Variants in MCTP1 observed in about 807,000 individuals in gnomAD.
The protein encoded by MCTP1 is multiple C2 and transmembrane domain containing 1.
Under a neutral mutation model 120.6 loss-of-function variants are expected in MCTP1, and 69 were observed. That is an observed-to-expected ratio of 0.57 (90% confidence interval 0.47 to 0.70). The LOEUF (loss-of-function observed/expected upper bound fraction) is 0.70. Ranked by LOEUF, MCTP1 falls within the 30% of genes least tolerant of loss-of-function variation. MCTP1 has a pLI of 0.00. For synonymous variants in MCTP1, 529 were observed against 493.1 expected, an observed-to-expected ratio of 1.07 and a Z score of -0.96; for missense variants, 1,203 against 1,248.8, an observed-to-expected ratio of 0.96 and a Z score of 0.55.
intron 1 of MCTP1, among the ~76,000 whole-genome samples, chr5:95,174,597 A>G (rs940543392): frequency 1.2e-4 from 19 of 152,160 alleles, no homozygotes; most frequent in Admixed American, 1.0e-3. Context: ...CTGTTCCCCT[A>G]CTTACTAGGT....
At chr5:94,739,307 A>G (rs1764978454) in intron 19 of MCTP1, 1 of 152,242 alleles carries the variant, frequency 6.6e-6, no homozygotes, top group Non-Finnish European at 1.5e-5. Context: ...GGTTCGATCA[A>G]CAGGGCATAG....
intron 1 of MCTP1, among the ~76,000 whole-genome samples, chr5:95,282,304 T>C (rs886398388): frequency 6.6e-6 from 1 of 152,208 alleles, no homozygotes; most frequent in Non-Finnish European, 1.5e-5. Context: ...TTTAAAAATA[T>C]CTTGGTTCAG....
intron 1 of MCTP1, among the ~76,000 whole-genome samples, chr5:95,054,284 A>G (rs571624530): frequency 4.6e-5 from 7 of 152,354 alleles, no homozygotes; most frequent in African/African-American, 1.7e-4. Context: ...AATGCAATAC[A>G]TCGTATCTAT....
At chr5:95,018,317 C>T (rs964397983) in intron 1 of MCTP1, among the ~76,000 whole-genome samples, 10 of 151,840 alleles carry the variant, frequency 6.6e-5, no homozygotes, top group African/African-American at 2.4e-4. Context: ...AATTTAAATT[C>T]TTATAATTTT....
chr5:95,089,390 A>G (rs1755679123), intron 1 of MCTP1, among the ~76,000 whole-genome samples: 1 of 152,248 alleles, frequency 6.6e-6, no homozygotes, highest in Non-Finnish European at 1.5e-5. Flanking sequence ...ATCAAAATGC[A>G]CTGAACATAA....
chr5:95,254,265 G>C lies in MCTP1; in HGVS notation c.720+29591C>G, dbSNP rs186037484. On this transcript the variant is annotated intron_variant, in intron 1 of 22. Coordinates refer to ENST00000515393, the MANE Select transcript of MCTP1 (RefSeq NM_024717.7). ...AACATTTGTTACGGCTAACATTTGAGGGCTCCCTACGTACCAACCACTGGT... is the reference window on the plus strand; with the variant it reads ...AACATTTGTTACGGCTAACATTTGACGGCTCCCTACGTACCAACCACTGGT... Among the ~76,000 whole-genome samples the C allele has an allele frequency of 2.6e-3, 393 of 152,200 alleles. 1 individual carries two copies. The highest frequency in any genetic ancestry group is 4.1e-3 in the Non-Finnish European group (280 of 67,974).
intron 1 of MCTP1, among the ~76,000 whole-genome samples, chr5:95,117,853 GT>G (rs1044210903): frequency 6.6e-6 from 1 of 152,130 alleles, no homozygotes; most frequent in Non-Finnish European, 1.5e-5. Flanking sequence ...ATGAGATCAT[GT>G]TTTTTGCAGG....
At position 94,907,024 on chromosome 5, in the gene MCTP1, A is replaced by T. The variant is rs146283196; in HGVS notation, c.1652+2227T>A. ...GGAAAGTAAGTCAATTGTCTTTGAA[A>T]CTATTCTAGGAATTAAGTAATTCTA... On this transcript the variant is annotated intron_variant, in intron 10 of 22. Transcript: ENST00000515393. Among the ~76,000 whole-genome samples, 62 of 152,328 alleles carry T rather than the reference A, an allele frequency of 4.1e-4. No individual in the cohort carries two copies. In the East Asian group the frequency reaches 0.011, roughly 27 times the overall value.
At chr5:94,894,921 A>T (rs1803583151) in intron 10 of MCTP1, 86 bp from the exon 11 acceptor site, 3 of 773,936 alleles carry the variant, frequency 3.9e-6, no homozygotes, top group Non-Finnish European at 4.0e-6. Context: ...ATGAAACATA[A>T]ATCAATAGAA....
intron 1 of MCTP1, among the ~76,000 whole-genome samples, chr5:95,056,639 G>C (rs1403454244): frequency 2.0e-5 from 3 of 152,118 alleles, no homozygotes; most frequent in Admixed American, 6.5e-5. Context: ...TTTGCTCTCT[G>C]AGTCTCTACT....
chr5:94,784,943 A>AAT (rs1437246319), intron 18 of MCTP1: 4 of 152,110 alleles, frequency 2.6e-5, no homozygotes, highest in African/African-American at 9.7e-5. Flanking sequence ...TCTGATTCTT[A>AAT]ATAAGGAATG....
intron 17 of MCTP1, among the ~76,000 whole-genome samples, chr5:94,860,196 C>T (rs561433471): frequency 6.6e-6 from 1 of 151,704 alleles, no homozygotes; most frequent in East Asian, 1.9e-4. Context: ...CTCCCTTCCC[C>T]AACACTTCCA....
chr5:94,870,958 G>C lies in MCTP1; in HGVS notation c.2155C>G (p.Gln719Glu). The change falls in exon 15 of 23, where the codon CAG (glutamine) becomes GAG (glutamate). Residue 719 changes from glutamine (Q) to glutamate (E), a missense_variant. This residue lies in a region of MCTP1 where 740 missense variants were observed against 871.1 expected (regional missense o/e 0.85). Transcript: ENST00000515393. ...IPLLSIQNGEQKAYVLKNKQL... is the reference protein window; with the variant it reads ...IPLLSIQNGEEKAYVLKNKQL... Reference sequence around the variant, plus strand: ...TTGTTTTTCAAGACGTAGGCTTTCTGTTCACCATTTTGAATCTGCGGGAAA... The same window carrying C: ...TTGTTTTTCAAGACGTAGGCTTTCTCTTCACCATTTTGAATCTGCGGGAAA... 1 of 1,612,908 alleles carries C rather than the reference G, an allele frequency of 6.2e-7. No individual in the cohort carries two copies. The highest frequency in any genetic ancestry group is 8.5e-7 in the Non-Finnish European group (1 of 1,179,292).
chr5:95,175,086 C>T (rs1178126555), intron 1 of MCTP1, among the ~76,000 whole-genome samples: 2 of 152,264 alleles, frequency 1.3e-5, no homozygotes, highest in Non-Finnish European at 1.5e-5. Context: ...AAAACTTGTT[C>T]TCCAGACACA....
chr5:94,884,324 T>C (rs1460520341), intron 12 of MCTP1, among the ~76,000 whole-genome samples: 4 of 152,202 alleles, frequency 2.6e-5, no homozygotes, highest in African/African-American at 9.6e-5. Context: ...GGTAGACCTC[T>C]TTGAGCTGAG....
intron 1 of MCTP1, among the ~76,000 whole-genome samples, chr5:95,087,738 G>T (rs1190120887): frequency 6.6e-6 from 1 of 152,168 alleles, no homozygotes; most frequent in Non-Finnish European, 1.5e-5. Context: ...GCTAGAGGCT[G>T]GTGGCCTTCC....
rs1293313664 is a variant in MCTP1, at chr5:95,115,987, T to C, written c.721-98503A>G. On this transcript the variant is annotated intron_variant, in intron 1 of 22. Transcript: ENST00000515393. ...AGATAGTGGCATGACATACTTAAAG[T>C]GCTAAAGGAAAAAAAAAAACTTTTA... Among the ~76,000 whole-genome samples the C allele has an allele frequency of 4.6e-5, 7 of 151,142 alleles. No homozygotes were observed. In the East Asian group the frequency reaches 5.8e-4, roughly 13 times the overall value.
Position 95,182,034 on chromosome 5 carries a change from C to T in MCTP1, c.720+101822G>A, listed in dbSNP as rs191177590. Among the ~76,000 whole-genome samples the T allele has an allele frequency of 2.3e-4, 35 of 152,044 alleles. No individual in the cohort carries two copies. In the South Asian group the frequency reaches 6.8e-3, roughly 30 times the overall value. On this transcript the variant is annotated intron_variant, in intron 1 of 22. Coordinates refer to ENST00000515393, the MANE Select transcript of MCTP1 (RefSeq NM_024717.7). ...AGCAAAGAAACAACAAATGATAACA[C>T]AAAATAAAATAAAAATAAAATGTAA...
chr5:95,039,339 A>C (rs1344788251), intron 1 of MCTP1, among the ~76,000 whole-genome samples: 1 of 152,216 alleles, frequency 6.6e-6, no homozygotes, highest in Admixed American at 6.5e-5. Flanking sequence ...ATAAATATTG[A>C]CATTTCTTCA....
Sources: allele counts gnomAD v4.1 joint callset (sites outside exome capture counted in the v4.1 genomes callset), GRCh38; gene constraint gnomAD v4.1.1; regional missense constraint gnomAD v4.1.1; transcripts MANE v1.5; gene names NCBI Gene and HGNC (gene_info 2026-07-23, HGNC 2026-07-21).